C1QTNF7: variants seen among roughly 807,000 people sequenced by gnomAD.
C1QTNF7 encodes C1q and TNF related 7, also known as complement C1q tumor necrosis factor-related protein 7.
A neutral mutation model predicts 19.6 loss-of-function variants in C1QTNF7; 15 were observed. The observed-to-expected ratio is 0.76, with a 90% CI of 0.51 to 1.18. C1QTNF7 has a LOEUF of 1.18. Among genes scored for constraint, C1QTNF7 ranks in the 50% most tolerant of loss-of-function variants. The pLI is 0.00. For missense variants in C1QTNF7, 324 were observed against 359.7 expected (o/e 0.90, Z 0.80); for synonymous variants, 142 against 137.5 (o/e 1.03, Z -0.23).
At chr4:15,378,053 G>T (rs930456810) in intron 1 of C1QTNF7, among the ~76,000 whole-genome samples, 1 of 152,190 alleles carries the variant, frequency 6.6e-6, no homozygotes, top group African/African-American at 2.4e-5. Context: ...AAACCAGAAT[G>T]TAACTTCAGA....
chr4:15,390,500 T>G (rs1023119642), intron 1 of C1QTNF7, among the ~76,000 whole-genome samples: 1 of 152,176 alleles, frequency 6.6e-6, no homozygotes, highest in African/African-American at 2.4e-5. Context: ...GAGTTCCTTT[T>G]GTGAGCAGAG....
chr4:15,404,094 TAAGTA>T lies in C1QTNF7; in HGVS notation c.14-31641_14-31637del, dbSNP rs200908291. On this transcript the variant is annotated intron_variant, in intron 1 of 2. Transcript: ENST00000295297. Reference sequence around the variant, plus strand: ...TCAAATGGATTCACCTTAGTTTATTTAAGTAGTTTCTTTAACTTGACATTTAAATT... The same window carrying T: ...TCAAATGGATTCACCTTAGTTTATTTGTTTCTTTAACTTGACATTTAAATT... 9.1e-3 allele frequency among the ~76,000 whole-genome samples: 1,385 copies of T among 152,320 alleles called. 21 individuals are homozygous for T. Among genetic ancestry groups the T allele is most frequent in the African/African-American group, 0.032 (1,317 of 41,580 alleles).
At chr4:15,376,594 G>A (rs1406459067) in intron 1 of C1QTNF7, among the ~76,000 whole-genome samples, 1 of 152,202 alleles carries the variant, frequency 6.6e-6, no homozygotes, top group Non-Finnish European at 1.5e-5. Context: ...TTTCATATAT[G>A]AGAAAACCAA....
In C1QTNF7 at chr4:15,383,608, A is replaced by G. The variant is rs1391290080; in HGVS notation, c.13+43401A>G. On this transcript the variant is annotated intron_variant, in intron 1 of 2. Transcript: ENST00000295297. ...CTTAGCCAGAACACTGTAGAAACCA[A>G]TGAAATTTAGGAAATTTACCTAAGG... is the stretch of plus-strand genomic sequence containing the variant. Among the ~76,000 whole-genome samples the G allele has an allele frequency of 3.3e-5, 5 of 152,364 alleles. No homozygotes were observed. The East Asian group carries it at 7.7e-4, about 24-fold the overall frequency.
intron 1 of C1QTNF7, among the ~76,000 whole-genome samples, chr4:15,430,719 A>G (rs541930019): frequency 2.6e-5 from 4 of 152,348 alleles, no homozygotes; most frequent in African/African-American, 9.6e-5. Context: ...AGTTCACTGC[A>G]AGGCAGTGGG....
chr4:15,389,914 T>G (rs950998868), intron 1 of C1QTNF7, among the ~76,000 whole-genome samples: 1 of 152,196 alleles, frequency 6.6e-6, no homozygotes, highest in African/African-American at 2.4e-5. Flanking sequence ...GTGCATCGTG[T>G]TAAAGACTTC....
intron 1 of C1QTNF7, among the ~76,000 whole-genome samples, chr4:15,387,974 C>CAG (rs1718404335): frequency 1.3e-5 from 2 of 152,046 alleles, no homozygotes; most frequent in African/African-American, 4.8e-5. Flanking sequence ...AGATGGTATC[C>CAG]AGGGCACAGG....
chr4:15,381,315 G>T (rs535105626), intron 1 of C1QTNF7, among the ~76,000 whole-genome samples: 5 of 152,022 alleles, frequency 3.3e-5, no homozygotes, highest in Admixed American at 1.3e-4. Context: ...TACTCGGGAG[G>T]CTGAGGCAGG....
chr4:15,385,207 G>C (rs573793615), intron 1 of C1QTNF7, among the ~76,000 whole-genome samples: 4 of 152,354 alleles, frequency 2.6e-5, no homozygotes, highest in African/African-American at 9.6e-5. Context: ...GCTTGGGACA[G>C]AGCTGTGATC....
intron 1 of C1QTNF7, among the ~76,000 whole-genome samples, chr4:15,429,661 C>T (rs181352251): frequency 8.5e-5 from 13 of 152,280 alleles, no homozygotes; most frequent in Non-Finnish European, 1.5e-4. Context: ...GTTGCTTCCA[C>T]CTTTTGCCTA....
chr4:15,421,135 G>A (rs534507421), intron 1 of C1QTNF7, among the ~76,000 whole-genome samples: 12 of 151,674 alleles, frequency 7.9e-5, no homozygotes, highest in Admixed American at 2.0e-4. Context: ...CCCATTATCC[G>A]GATAAACGTT....
chr4:15,353,392 G>A (rs75479388), intron 1 of C1QTNF7, among the ~76,000 whole-genome samples: 8,996 of 152,192 alleles, frequency 0.059, 514 homozygotes, highest in Admixed American at 0.19. Flanking sequence ...GGGAGGATTG[G>A]CTGAGCATTT....
chr4:15,384,746 C>T (rs987151432), intron 1 of C1QTNF7, among the ~76,000 whole-genome samples: 1 of 152,226 alleles, frequency 6.6e-6, no homozygotes, highest in African/African-American at 2.4e-5. Flanking sequence ...AGGCTCTTAT[C>T]TCCAAATGTT....
intron 1 of C1QTNF7, among the ~76,000 whole-genome samples, chr4:15,351,539 G>C (rs1453563353): frequency 1.3e-5 from 2 of 152,182 alleles, no homozygotes; most frequent in African/African-American, 4.8e-5. Context: ...AGGAATTTTA[G>C]CCATTTCTCA....
At chr4:15,414,293 A>G (rs1719510505) in intron 1 of C1QTNF7, among the ~76,000 whole-genome samples, 1 of 152,234 alleles carries the variant, frequency 6.6e-6, no homozygotes, top group Admixed American at 6.5e-5. Context: ...ATAACATAAA[A>G]CAAGTAACAT....
chr4:15,378,363 T>G (rs905717903), intron 1 of C1QTNF7, among the ~76,000 whole-genome samples: 3 of 152,188 alleles, frequency 2.0e-5, no homozygotes, highest in African/African-American at 7.2e-5. Context: ...CTCAGAAAAC[T>G]CTGCTTTGGA....
At chr4:15,436,012 T>C (rs1433030880) in intron 2 of C1QTNF7, 31 bp downstream of exon 2, 2 of 1,595,490 alleles carry the variant, frequency 1.3e-6, no homozygotes, top group East Asian at 2.2e-5. Flanking sequence ...TAAAACACCC[T>C]CCTTCACCCC....
At chr4:15,383,974 C>A (rs549607555) in intron 1 of C1QTNF7, among the ~76,000 whole-genome samples, 107 of 152,282 alleles carry the variant, frequency 7.0e-4, no homozygotes, top group African/African-American at 2.5e-3. Flanking sequence ...GGTAGTTAGA[C>A]CAGGTAATCT....
At chr4:15,376,748 T>C (rs1488223249) in intron 1 of C1QTNF7, among the ~76,000 whole-genome samples, 1 of 152,232 alleles carries the variant, frequency 6.6e-6, no homozygotes. Context: ...TGTTGGATTC[T>C]TTCTTCTGCA....
Sources: allele counts gnomAD v4.1 joint callset (sites outside exome capture counted in the v4.1 genomes callset), GRCh38; gene constraint gnomAD v4.1.1; transcripts MANE v1.5; gene names NCBI Gene and HGNC (gene_info 2026-07-23, HGNC 2026-07-21).